The following RAPGEF4 variants were observed in gnomAD, a reference collection of about 807,000 sequenced individuals.
RAPGEF4 encodes the protein Rap guanine nucleotide exchange factor 4.
A neutral mutation model predicts 147.9 loss-of-function variants in RAPGEF4; 66 were observed. The ratio of observed to expected loss-of-function variants is 0.45; its 90% CI spans 0.37 to 0.55. RAPGEF4 has a LOEUF of 0.55. RAPGEF4 is among the 20% of genes least tolerant of loss of function. RAPGEF4 has a pLI of 0.00. For missense variants in RAPGEF4, 1,071 were observed against 1,257.3 expected (o/e 0.85, Z 2.24); for synonymous variants, 419 against 442.7 (o/e 0.95, Z 0.67).
At chr2:172,961,324 GC>G in intron 8 of RAPGEF4, 96 bp downstream of exon 8, 1 of 1,002,670 alleles carries the variant, frequency 1.0e-6, no homozygotes, top group Non-Finnish European at 1.5e-6. Context: ...TGTGGGCGCA[GC>G]CCATTTTGTA....
chr2:172,878,929 G>C (rs1460035886), intron 4 of RAPGEF4, among the ~76,000 whole-genome samples: 1 of 152,104 alleles, frequency 6.6e-6, no homozygotes, highest in Non-Finnish European at 1.5e-5. Context: ...GAAAGCTGTG[G>C]GGAAACAAGT....
At chr2:172,876,896 G>T (rs182347887) in intron 4 of RAPGEF4, among the ~76,000 whole-genome samples, 1 of 152,276 alleles carries the variant, frequency 6.6e-6, no homozygotes, top group African/African-American at 2.4e-5. Flanking sequence ...TGGTTGGTAG[G>T]CTATTAATTA....
At chr2:172,920,897 G>A (rs867161939) in intron 5 of RAPGEF4, among the ~76,000 whole-genome samples, 8 of 152,106 alleles carry the variant, frequency 5.3e-5, no homozygotes, top group South Asian at 2.1e-4. Flanking sequence ...GACAGACCTG[G>A]GAAGTGATAG....
At chr2:172,922,182 C>A in intron 5 of RAPGEF4, 99 bp from the exon 6 acceptor site, 1 of 1,139,422 alleles carries the variant, frequency 8.8e-7, no homozygotes, top group Non-Finnish European at 1.3e-6. Context: ...ATTGAAAACA[C>A]TGAAATTTTA....
chr2:173,052,626 C>T lies in RAPGEF4; in HGVS notation c.*859C>T, dbSNP rs1367288912. ...TATTTTCTGGACTTAAATGTTATTACAAATATCTTAATTTTCAGTAATTGT... is the reference window on the plus strand; with the variant it reads ...TATTTTCTGGACTTAAATGTTATTATAAATATCTTAATTTTCAGTAATTGT... On this transcript the variant is annotated 3_prime_UTR_variant, in exon 31 of 31. Transcript: ENST00000397081. 1 of 152,554 alleles carries T rather than the reference C, an allele frequency of 6.6e-6. No homozygotes were observed. The allele number at this position is 152,554 out of a possible 1,614,324, so 9.5% of individuals were successfully genotyped here.
Position 172,974,196 on chromosome 2 carries a change from C to T in RAPGEF4, c.1004+6752C>T, listed in dbSNP as rs1159948010. On this transcript the variant is annotated intron_variant, in intron 10 of 30. Coordinates refer to ENST00000397081, the MANE Select transcript of RAPGEF4 (RefSeq NM_007023.4). ...ATGGACAAGGAGACAGAGGCTTAGG[C>T]TGAGTCACTTGCCTATGGTTATCCA... Among the ~76,000 whole-genome samples the T allele has an allele frequency of 2.0e-5, 3 of 152,280 alleles. No individual in the cohort carries two copies. The East Asian group carries it at 5.8e-4, about 29-fold the overall frequency.
chr2:172,778,579 C>T (rs1684393418), intron 1 of RAPGEF4, among the ~76,000 whole-genome samples: 1 of 151,944 alleles, frequency 6.6e-6, no homozygotes, highest in Non-Finnish European at 1.5e-5. Context: ...GGTTTAGAAC[C>T]ATTTTCAATT....
At chr2:172,996,171 G>A (rs572875004) in intron 15 of RAPGEF4, among the ~76,000 whole-genome samples, 3 of 152,092 alleles carry the variant, frequency 2.0e-5, no homozygotes, top group Admixed American at 6.5e-5. Context: ...TTGGAAAAAA[G>A]ACTGAAGTTT....
intron 4 of RAPGEF4, chr2:172,821,889 A>C: frequency 1.2e-6 from 2 of 1,608,842 alleles, no homozygotes; most frequent in South Asian, 1.1e-5. Context: ...CAATGAAGGT[A>C]CATTTTGCTG....
At chr2:172,748,313 A>G (rs1407724933) in intron 1 of RAPGEF4, among the ~76,000 whole-genome samples, 3 of 152,228 alleles carry the variant, frequency 2.0e-5, no homozygotes, top group Non-Finnish European at 4.4e-5. Context: ...TGAGAAAGAC[A>G]TACCTGAGAT....
intron 23 of RAPGEF4, among the ~76,000 whole-genome samples, chr2:173,024,563 C>CTTT (rs890372311): frequency 1.3e-5 from 2 of 152,192 alleles, no homozygotes; most frequent in Non-Finnish European, 2.9e-5. Flanking sequence ...GAGGGGACCT[C>CTTT]TTTTGTGCCA....
intron 4 of RAPGEF4, among the ~76,000 whole-genome samples, chr2:172,899,099 T>C (rs1698808438): frequency 6.6e-6 from 1 of 152,240 alleles, no homozygotes. Flanking sequence ...AATATCTGTA[T>C]GTTACAAATA....
At chr2:172,933,664 G>A (rs1440243232) in intron 6 of RAPGEF4, among the ~76,000 whole-genome samples, 1 of 152,142 alleles carries the variant, frequency 6.6e-6, no homozygotes, top group African/African-American at 2.4e-5. Context: ...AAATCAGCAA[G>A]AATTTTATCA....
intron 6 of RAPGEF4, among the ~76,000 whole-genome samples, chr2:172,926,033 CGG>C (rs1685314187): frequency 9.5e-5 from 5 of 52,598 alleles, no homozygotes; most frequent in African/African-American, 1.9e-4. Flanking sequence ...GAGGGAGGGA[CGG>C]AGGGAGGGAG....
chr2:172,837,004 G>A (rs550833671), intron 4 of RAPGEF4, among the ~76,000 whole-genome samples: 45 of 152,314 alleles, frequency 3.0e-4, no homozygotes, highest in African/African-American at 9.6e-4. Flanking sequence ...GTGGCCAGGA[G>A]CACAGTCATG....
intron 4 of RAPGEF4, among the ~76,000 whole-genome samples, chr2:172,848,847 T>C (rs1365317140): frequency 1.3e-5 from 2 of 152,006 alleles, no homozygotes; most frequent in Admixed American, 1.3e-4. Context: ...AATTCAAGGG[T>C]GTATGTAATT....
At chr2:172,792,113 C>T (rs1312679324) in intron 1 of RAPGEF4, among the ~76,000 whole-genome samples, 4 of 152,186 alleles carry the variant, frequency 2.6e-5, no homozygotes, top group South Asian at 2.1e-4. Flanking sequence ...CTTCTGTGGC[C>T]GCAACCTGAC....
intron 4 of RAPGEF4, 133 bp from the exon 5 acceptor site, chr2:172,917,669 C>A (rs931267166): frequency 1.3e-6 from 1 of 759,090 alleles, no homozygotes; most frequent in Non-Finnish European, 2.3e-6. Flanking sequence ...CCGGAGAACA[C>A]GTTTCATGGC....
chr2:172,987,829 ATTTGCATG>A (rs971966698), intron 12 of RAPGEF4, among the ~76,000 whole-genome samples: 1 of 152,148 alleles, frequency 6.6e-6, no homozygotes, highest in Non-Finnish European at 1.5e-5. Flanking sequence ...TATAGTGCTG[ATTTGCATG>A]TTTTTAAACG....
Sources: allele counts gnomAD v4.1 joint callset (sites outside exome capture counted in the v4.1 genomes callset), GRCh38; gene constraint gnomAD v4.1.1; transcripts MANE v1.5; gene names NCBI Gene and HGNC (gene_info 2026-07-23, HGNC 2026-07-21).